PCNX4: variants seen among roughly 807,000 people sequenced by gnomAD.
The protein encoded by PCNX4 is pecanex-like protein 4.
A neutral mutation model predicts 107.2 loss-of-function variants in PCNX4; 103 were observed. That is an observed-to-expected ratio of 0.96 (90% CI 0.82 to 1.13). The LOEUF (loss-of-function observed/expected upper bound fraction) is 1.13. Among genes scored for constraint, PCNX4 ranks in the 50% most tolerant of loss-of-function variants. The pLI is 0.00. For missense variants in PCNX4, 1,528 were observed against 1,379.4 expected (o/e 1.11, Z -1.71); for synonymous variants, 541 against 481.7 (o/e 1.12, Z -1.61).
intron 1 of PCNX4, among the ~76,000 whole-genome samples, chr14:60,105,990 G>A (rs1371716852): frequency 1.3e-5 from 2 of 152,272 alleles, no homozygotes; most frequent in African/African-American, 2.4e-5. Flanking sequence ...ACAAGAGTGT[G>A]ACCTTCCTTA....
chr14:60,095,776 A>C (rs1412066604), intron 1 of PCNX4, among the ~76,000 whole-genome samples: 1 of 151,472 alleles, frequency 6.6e-6, no homozygotes, highest in Non-Finnish European at 1.5e-5. Flanking sequence ...CTAAGAGGTC[A>C]TGTCCCATGA....
intron 2 of PCNX4, 115 bp downstream of exon 2, chr14:60,108,442 A>C: frequency 1.4e-6 from 1 of 710,344 alleles, no homozygotes. Context: ...TCATCAAACC[A>C]TTGGGTGACA....
chr14:60,129,333 G>C (rs2140566493), intron 10 of PCNX4, among the ~76,000 whole-genome samples: 1 of 151,982 alleles, frequency 6.6e-6, no homozygotes, highest in South Asian at 2.1e-4. Context: ...CAGGAGGATT[G>C]CTTTGAGACC....
chr14:60,105,953 C>G (rs1450208708), intron 1 of PCNX4, among the ~76,000 whole-genome samples: 1 of 152,164 alleles, frequency 6.6e-6, no homozygotes, highest in Non-Finnish European at 1.5e-5. Context: ...CCATAGATAA[C>G]TTGTGTCAGA....
At position 60,146,065 on chromosome 14, in the gene PCNX4, TAC is replaced by T. The variant is rs1454175219; in HGVS notation, c.*11846_*11847del. The T allele has an allele frequency of 6.6e-6, 1 of 150,444 alleles. No individual in the cohort carries two copies. Among genetic ancestry groups the T allele is most frequent in the African/African-American group, 2.4e-5 (1 of 41,028 alleles). 9.3% of individuals were successfully genotyped at this position (150,444 alleles called of 1,614,324 possible). The stretch of plus-strand genomic sequence containing the variant: ...ATAAAATAGTGGGAGAGAGGAAGAG[TAC>T]AGACTATAAAGAATGAGGTATTATG... On this transcript the variant is annotated 3_prime_UTR_variant, in exon 11 of 11. Coordinates refer to ENST00000406854, the MANE Select transcript of PCNX4 (RefSeq NM_001330177.2). The surrounding 1 kb of genome is among the most constrained non-coding windows in gnomAD (Gnocchi z 4.9).
Position 60,115,117 on chromosome 14 carries a change from C to A in PCNX4, c.1013C>A (p.Thr338Asn). The stretch of plus-strand genomic sequence containing the variant: ...AGTGATATGGGTCACAAAATTGGAA[C>A]CAAATCTAAGGATTTACCCAGTGGT... Reference protein sequence around the residue: ...NLSDMGHKIGTKSKDLPSGPE... With the variant: ...NLSDMGHKIGNKSKDLPSGPE... Residue 338 changes from threonine (T) to asparagine (N), a missense_variant, in exon 4 of 11, where the codon ACC (threonine) becomes AAC (asparagine). Coordinates refer to ENST00000406854, the MANE Select transcript of PCNX4 (RefSeq NM_001330177.2). 1 of 1,613,818 alleles carries A rather than the reference C, an allele frequency of 6.2e-7. No individual in the cohort carries two copies. The highest frequency in any genetic ancestry group is 8.5e-7 in the Non-Finnish European group (1 of 1,179,848).
Position 60,114,720 on chromosome 14 carries a change from C to T in PCNX4, c.710C>T (p.Ala237Val), listed in dbSNP as rs777553087. Reference sequence around the variant, plus strand: ...TATAGGTTTGTGGTAAATATGCCAGCTCTAGAACACATGAATCAGATTTTA... The same window carrying T: ...TATAGGTTTGTGGTAAATATGCCAGTTCTAGAACACATGAATCAGATTTTA... ...LAHRFVVNMPALEHMNQILHI... is the reference protein window; with the variant it reads ...LAHRFVVNMPVLEHMNQILHI... The change falls in exon 3 of 11, where the codon GCT becomes GTT. Residue 237 changes from alanine (A) to valine (V), a missense_variant. By Grantham distance (64) the Ala-to-Val change is moderately conservative (BLOSUM62 0). Transcript: ENST00000406854. The T allele has an allele frequency of 8.1e-6, 13 of 1,612,890 alleles. No individual in the cohort carries two copies. The highest frequency in any genetic ancestry group is 8.5e-6 in the Non-Finnish European group (10 of 1,179,422).
intron 10 of PCNX4, among the ~76,000 whole-genome samples, chr14:60,129,602 TTC>T (rs1451851123): frequency 1.3e-5 from 2 of 152,222 alleles, no homozygotes; most frequent in African/African-American, 4.8e-5. Flanking sequence ...TTGCTCCCTT[TTC>T]TCTCAGCTTC....
Position 60,091,946 on chromosome 14 carries a change from A to T in PCNX4, c.-527A>T, listed in dbSNP as rs142810867. The T allele has an allele frequency of 4.7e-3, 710 of 152,462 alleles. 3 individuals carry two copies. Among genetic ancestry groups the T allele is most frequent in the South Asian group, 0.029 (138 of 4,830 alleles). 9.4% of individuals were successfully genotyped at this position (152,462 alleles called of 1,614,324 possible). ...TTGCGTAAAGGCCCGGCCCAAGGGA[A>T]CGTTCAGGGCGTCTCGGCTTTCCCC... On this transcript the variant is annotated 5_prime_UTR_variant, in exon 1 of 11. Coordinates refer to ENST00000406854, the MANE Select transcript of PCNX4 (RefSeq NM_001330177.2).
intron 9 of PCNX4, among the ~76,000 whole-genome samples, 172 bp from the exon 10 acceptor site, chr14:60,125,465 T>A (rs1404286315): frequency 6.6e-6 from 1 of 152,216 alleles, no homozygotes; most frequent in Non-Finnish European, 1.5e-5. Flanking sequence ...CCTGGTTTTT[T>A]TATGGCTTTC....
intron 1 of PCNX4, among the ~76,000 whole-genome samples, 151 bp downstream of exon 1, chr14:60,092,570 C>T (rs1467894234): frequency 6.6e-6 from 1 of 152,194 alleles, no homozygotes; most frequent in African/African-American, 2.4e-5. Flanking sequence ...GCAATTATTG[C>T]GCTTAATGAA....
At chr14:60,125,328 C>G in intron 9 of PCNX4, 77 bp downstream of exon 9, 1 of 1,321,832 alleles carries the variant, frequency 7.6e-7, no homozygotes, top group Non-Finnish European at 1.0e-6. Flanking sequence ...TACAAGAAGA[C>G]AGTTATTCGT....
chr14:60,108,440 C>T, intron 2 of PCNX4, 113 bp downstream of exon 2: 1 of 739,412 alleles, frequency 1.4e-6, no homozygotes, highest in South Asian at 2.4e-5. Flanking sequence ...AATCATCAAA[C>T]CATTGGGTGA....
Position 60,124,583 on chromosome 14 carries a change from C to T in PCNX4, c.2412C>T (p.Pro804=), listed in dbSNP as rs142249174. 147 of 1,613,794 alleles carry T rather than the reference C, an allele frequency of 9.1e-5. 1 individual carries two copies. In the African/African-American group the frequency reaches 1.8e-3, roughly 20 times the overall value. ...MLPALNTLPP[P]KSPEDIDSLN... is the part of the protein sequence containing the mutation. ...CTGCTTTGAACACTTTGCCACCTCC[C>T]AAATCCCCAGAAGACATAGACAGTT... The change falls in exon 9 of 11, where the codon CCC becomes CCT. Residue 804 remains proline, a synonymous_variant. Coordinates refer to ENST00000406854, the MANE Select transcript of PCNX4 (RefSeq NM_001330177.2).
chr14:60,112,669 A>G (rs1342454487), intron 2 of PCNX4, among the ~76,000 whole-genome samples: 6 of 152,120 alleles, frequency 3.9e-5, no homozygotes, highest in Non-Finnish European at 5.9e-5. Context: ...AAATTATCCT[A>G]TCCTTGATAG....
rs181582708 is a variant in PCNX4 at position 60,118,003 on chromosome 14, A to C, written c.1579-326A>C. ...TTTTATTTCTTCTTGAGCCAGTTTT[A>C]GTAATTTGTGTCTTTCTAGGAACTT... On this transcript the variant is annotated intron_variant, in intron 6 of 10. Coordinates refer to ENST00000406854, the MANE Select transcript of PCNX4 (RefSeq NM_001330177.2). 5.3e-5 allele frequency among the ~76,000 whole-genome samples: 8 copies of C among 151,926 alleles called. No individual in the cohort carries two copies. In the East Asian group the frequency reaches 1.5e-3, roughly 29 times the overall value.
rs1288129348 is a variant in PCNX4 at position 60,095,000 on chromosome 14, C to G, written c.-54+2581C>G. Among the ~76,000 whole-genome samples, 3 of 152,088 alleles carry G rather than the reference C, an allele frequency of 2.0e-5. No individual in the cohort carries two copies. The East Asian group carries it at 5.8e-4, about 29-fold the overall frequency. On this transcript the variant is annotated intron_variant, in intron 1 of 10. Transcript: ENST00000406854. ...ACTTGATTTTAAAAGAAAAGTTTTT[C>G]AACCCAGGGAATTTATAGTGGGTGT...
chr14:60,121,125 C>T, intron 7 of PCNX4, 71 bp from the exon 8 acceptor site: 1 of 1,502,772 alleles, frequency 6.7e-7, no homozygotes, highest in Non-Finnish European at 8.9e-7. Flanking sequence ...TTTGAAGATT[C>T]ACATGGCAAA....
At chr14:60,106,441 A>G (rs1018515984) in intron 1 of PCNX4, among the ~76,000 whole-genome samples, 5 of 151,946 alleles carry the variant, frequency 3.3e-5, no homozygotes, top group Non-Finnish European at 5.9e-5. Context: ...TTTCCTGACT[A>G]TTTTCTGTCT....
Sources: allele counts gnomAD v4.1 joint callset (sites outside exome capture counted in the v4.1 genomes callset), GRCh38; gene constraint gnomAD v4.1.1; non-coding constraint Gnocchi (gnomAD v3.1); transcripts MANE v1.5; gene names NCBI Gene and HGNC (gene_info 2026-07-23, HGNC 2026-07-21).